Variants in EEFSEC observed in about 807,000 individuals in gnomAD.
EEFSEC encodes the protein selenocysteine-specific elongation factor.
In EEFSEC, 43 loss-of-function variants were observed where a neutral mutation model predicts 42.1. That is an observed-to-expected ratio of 1.02 (90% CI 0.80 to 1.32). EEFSEC has a LOEUF of 1.32. EEFSEC is among the 40% of genes most tolerant of loss of function. The pLI, the probability that EEFSEC is intolerant of heterozygous loss-of-function variation, is 0.00. For missense variants in EEFSEC, 745 were observed against 803.6 expected (o/e 0.93, Z 0.88); for synonymous variants, 354 against 339.1 (o/e 1.04, Z -0.48).
At chr3:128,351,435 C>G (rs2067383879) in intron 5 of EEFSEC, among the ~76,000 whole-genome samples, 1 of 152,214 alleles carries the variant, frequency 6.6e-6, no homozygotes, top group Non-Finnish European at 1.5e-5. Context: ...GTCCCTCGCT[C>G]AAGGTCATAG....
At chr3:128,230,020 C>G (rs2107863919) in intron 1 of EEFSEC, among the ~76,000 whole-genome samples, 1 of 151,750 alleles carries the variant, frequency 6.6e-6, no homozygotes, top group South Asian at 2.1e-4. Flanking sequence ...CTTTATCTCT[C>G]TTTTTCTTTT....
intron 1 of EEFSEC, among the ~76,000 whole-genome samples, chr3:128,242,239 A>T (rs1044838692): frequency 1.3e-5 from 2 of 152,158 alleles, no homozygotes; most frequent in Non-Finnish European, 2.9e-5. Flanking sequence ...GGATCGTTTG[A>T]GCCCAGGAAT....
chr3:128,414,433 G>T, the EEFSEC span, among the ~76,000 whole-genome samples: 2 of 152,198 alleles, frequency 1.3e-5, no homozygotes, highest in Non-Finnish European at 2.9e-5. Flanking sequence ...GAAAGGCAAG[G>T]GGGGAGCGGA....
intron 4 of EEFSEC, among the ~76,000 whole-genome samples, chr3:128,316,101 G>A (rs1576631252): frequency 1.3e-5 from 2 of 152,210 alleles, no homozygotes; most frequent in African/African-American, 4.8e-5. Flanking sequence ...CTAGTCTGTG[G>A]CGCAGAGGTA....
rs370489790 is a variant in EEFSEC at position 128,247,630 on chromosome 3, G to T, written c.524+587G>T. On this transcript the variant is annotated intron_variant, in intron 2 of 6. Coordinates refer to ENST00000254730, the MANE Select transcript of EEFSEC (RefSeq NM_021937.5). ...CACCAAATCACAAAGGACCTTTTTA[G>T]CATCTTCTGCCAAGGAGTTTACAGT... Among the ~76,000 whole-genome samples, 88 of 152,344 alleles carry T rather than the reference G, an allele frequency of 5.8e-4. 1 individual carries two copies. The East Asian group carries it at 0.016, about 28-fold the overall frequency.
intron 1 of EEFSEC, among the ~76,000 whole-genome samples, chr3:128,213,100 C>T (rs935442342): frequency 6.6e-6 from 1 of 152,202 alleles, no homozygotes; most frequent in African/African-American, 2.4e-5. Flanking sequence ...TGGTATTTCT[C>T]CCAAGGAAAG....
chr3:128,182,462 T>C (rs2065418712), intron 1 of EEFSEC, among the ~76,000 whole-genome samples: 1 of 152,224 alleles, frequency 6.6e-6, no homozygotes, highest in African/African-American at 2.4e-5. Context: ...TCCTTCTGTC[T>C]CTGTGTTTCA....
intron 4 of EEFSEC, among the ~76,000 whole-genome samples, chr3:128,284,144 G>A (rs1292346158): frequency 6.6e-6 from 1 of 152,114 alleles, no homozygotes; most frequent in Non-Finnish European, 1.5e-5. Flanking sequence ...CAACCTGAAT[G>A]TCTCTCCTCT....
At position 128,408,190 on chromosome 3, in the gene EEFSEC, T is replaced by G. The variant is rs1348623946; in HGVS notation, c.1722T>G (p.His574Gln). The G allele has an allele frequency of 1.2e-6, 2 of 1,612,594 alleles. No individual in the cohort carries two copies. Among genetic ancestry groups the G allele is most frequent in the Non-Finnish European group, 1.7e-6 (2 of 1,179,242 alleles). ...CCGAGCGGAGCGAGCCCTCACAGCA[T>G]GTGGTGCTCAGCCTGACTTTCAAGC... Reference protein sequence around the residue: ...ESAERSEPSQHVVLSLTFKRY... With the variant: ...ESAERSEPSQQVVLSLTFKRY... The change falls in exon 7 of 7, where the codon CAT becomes CAG. Residue 574 changes from histidine to glutamine, a missense_variant. Transcript: ENST00000254730.
chr3:128,324,999 G>T (rs1034707499), intron 4 of EEFSEC, among the ~76,000 whole-genome samples: 1 of 152,192 alleles, frequency 6.6e-6, no homozygotes, highest in Non-Finnish European at 1.5e-5. Context: ...TTAGAAAGAA[G>T]CTTCATAACA....
chr3:128,170,675 CT>C (rs904395882), intron 1 of EEFSEC, among the ~76,000 whole-genome samples: 2 of 152,190 alleles, frequency 1.3e-5, no homozygotes, highest in African/African-American at 4.8e-5. Flanking sequence ...TGGCATCCCC[CT>C]AACTCCCTGC....
rs115533578 is a variant in EEFSEC, at chr3:128,240,663, T to C, written c.317-6173T>C. Among the ~76,000 whole-genome samples the C allele has an allele frequency of 3.4e-3, 521 of 152,302 alleles. 1 individual carries two copies. The highest frequency in any genetic ancestry group is 0.012 in the African/African-American group (485 of 41,558). ...ACTGCAGAAGGAGGAAAACTAATTC[T>C]CCTTAAAACTGATTTTCTCCTTGCT... On this transcript the variant is annotated intron_variant, in intron 1 of 6. Transcript: ENST00000254730.
chr3:128,224,537 A>G (rs1194070355), intron 1 of EEFSEC, among the ~76,000 whole-genome samples: 2 of 152,196 alleles, frequency 1.3e-5, no homozygotes, highest in African/African-American at 2.4e-5. Context: ...GGACAAAGAG[A>G]ACAAACATTC....
intron 5 of EEFSEC, among the ~76,000 whole-genome samples, chr3:128,354,035 C>G (rs1576664712): frequency 1.3e-5 from 2 of 152,246 alleles, no homozygotes; most frequent in East Asian, 1.9e-4. Context: ...CAGCCATGCC[C>G]AGAGTGCCAG....
chr3:128,334,227 C>T (rs1248177246), intron 4 of EEFSEC, among the ~76,000 whole-genome samples: 2 of 152,270 alleles, frequency 1.3e-5, no homozygotes, highest in Non-Finnish European at 2.9e-5. Flanking sequence ...GCTCATCTTA[C>T]TTGCCCATTG....
At chr3:128,274,011 C>T (rs1453979213) in intron 4 of EEFSEC, among the ~76,000 whole-genome samples, 5 of 152,216 alleles carry the variant, frequency 3.3e-5, no homozygotes, top group Admixed American at 2.0e-4. Flanking sequence ...AAATCAAGCC[C>T]TGCCCCAGCC....
intron 4 of EEFSEC, among the ~76,000 whole-genome samples, chr3:128,338,521 G>A (rs978560333): frequency 1.3e-5 from 2 of 152,106 alleles, no homozygotes; most frequent in Non-Finnish European, 2.9e-5. Context: ...AGCCCTTCTA[G>A]GAGGTCCATG....
At chr3:128,248,711 T>C (rs1026909733) in intron 2 of EEFSEC, among the ~76,000 whole-genome samples, 1 of 152,160 alleles carries the variant, frequency 6.6e-6, no homozygotes, top group African/African-American at 2.4e-5. Flanking sequence ...AGTACTCAGA[T>C]ACAACCTCAG....
chr3:128,269,078 T>C (rs1292587850), intron 4 of EEFSEC, among the ~76,000 whole-genome samples: 1 of 152,200 alleles, frequency 6.6e-6, no homozygotes, highest in African/African-American at 2.4e-5. Context: ...TCAGAACCAT[T>C]GCATACTGAT....
Sources: allele counts gnomAD v4.1 joint callset (sites outside exome capture counted in the v4.1 genomes callset), GRCh38; gene constraint gnomAD v4.1.1; transcripts MANE v1.5; gene names NCBI Gene and HGNC (gene_info 2026-07-23, HGNC 2026-07-21).